The following ZP3 variants were observed in gnomAD, a reference collection of about 807,000 sequenced individuals.
ZP3 encodes the protein zona pellucida glycoprotein 3.
A neutral mutation model predicts 35.6 loss-of-function variants in ZP3; 21 were observed. The ratio of observed to expected loss-of-function variants is 0.59; its 90% CI spans 0.42 to 0.85. The LOEUF is 0.85. ZP3 is among the 40% of genes least tolerant of loss of function. The probability of loss-of-function intolerance (pLI) is 0.00; values close to 1 mark genes in which losing one functional copy is unlikely to be tolerated. For synonymous variants in ZP3, 207 were observed against 214.5 expected (o/e 0.96, Z 0.31); for missense variants, 437 against 536.5 (o/e 0.81, Z 1.83).
intron 1 of ZP3, chr7:76,400,530 G>A (rs1161943065): frequency 6.4e-7 from 1 of 1,571,720 alleles, no homozygotes; most frequent in Non-Finnish European, 8.6e-7. Flanking sequence ...TGCCCCAGGA[G>A]CCACCGTGCA....
upstream of ZP3, among the ~76,000 whole-genome samples, chr7:76,424,231 G>A (rs1805588047): frequency 6.6e-6 from 1 of 152,188 alleles, no homozygotes; most frequent in Non-Finnish European, 1.5e-5. Context: ...GGGCCAGCAG[G>A]GGATCGGAGG....
At chr7:76,426,910 T>C (rs1482168040) in intron 1 of ZP3, among the ~76,000 whole-genome samples, 2 of 26,082 alleles carry the variant, frequency 7.7e-5, no homozygotes, top group African/African-American at 3.9e-4. Context: ...ACACACACAA[T>C]AGGGTGTGGT....
In ZP3 at chr7:76,425,261, T is replaced by C. The variant is rs1275364723; in HGVS notation, c.297T>C (p.Cys99=). 1 of 1,607,640 alleles carries C rather than the reference T, an allele frequency of 6.2e-7. No homozygotes were observed. Among genetic ancestry groups the C allele is most frequent in the Non-Finnish European group, 8.5e-7 (1 of 1,176,148 alleles). ...VVRFEVGLHE[C]GNSMQVTDDA... is the part of the protein sequence containing the mutation. ...GGTTTGAGGTTGGACTCCACGAGTGTGGCAACAGCATGCAGGTAAGAGAGG... is the reference window on the plus strand; with the variant it reads ...GGTTTGAGGTTGGACTCCACGAGTGCGGCAACAGCATGCAGGTAAGAGAGG... Residue 99 remains cysteine, a synonymous_variant, in exon 1 of 8, where the codon TGT becomes TGC. Coordinates refer to ENST00000394857, the MANE Select transcript of ZP3 (RefSeq NM_001110354.2).
intron 5 of ZP3, among the ~76,000 whole-genome samples, chr7:76,437,201 A>C (rs1445599920): frequency 1.8e-5 from 2 of 112,362 alleles, no homozygotes; most frequent in South Asian, 5.7e-4. Flanking sequence ...TTTTGGACAG[A>C]GTCTCGCTCT....
intron 2 of ZP3, among the ~76,000 whole-genome samples, chr7:76,431,546 T>C (rs1289123651): frequency 6.6e-6 from 1 of 152,088 alleles, no homozygotes; most frequent in Non-Finnish European, 1.5e-5. Flanking sequence ...TCCCAGTCAC[T>C]GGTGTGGGTC....
At chr7:76,441,520 C>T (rs1261969289) in intron 7 of ZP3, among the ~76,000 whole-genome samples, 1 of 151,898 alleles carries the variant, frequency 6.6e-6, no homozygotes, top group Non-Finnish European at 1.5e-5. Flanking sequence ...TCCCAAGTAG[C>T]TGAGACTACA....
intron 1 of ZP3, chr7:76,398,817 G>A: frequency 1.9e-6 from 3 of 1,610,148 alleles, no homozygotes; most frequent in Non-Finnish European, 2.5e-6. Flanking sequence ...AAGTGAAGTG[G>A]ATACAGGGGT....
rs769739244 is a variant in ZP3, at chr7:76,433,523, C to T, written c.589C>T (p.His197Tyr). ...SPTFHLGDAAHLQAEIHTGSH... is the reference protein window; with the variant it reads ...SPTFHLGDAAYLQAEIHTGSH... ...CACCTTCCACCTGGGAGATGCAGCC[C>T]ACCTCCAGGCAGAAATCCACACTGG... is the stretch of plus-strand genomic sequence containing the variant. Residue 197 changes from histidine (H) to tyrosine (Y), a missense_variant, in exon 4 of 8, where the codon CAC (histidine) becomes TAC (tyrosine). By Grantham distance (83) the His-to-Tyr change is moderately conservative. Coordinates refer to ENST00000394857, the MANE Select transcript of ZP3 (RefSeq NM_001110354.2). 3.7e-6 allele frequency: 6 copies of T among 1,614,102 alleles called. No individual in the cohort carries two copies. The East Asian group carries it at 1.3e-4, about 36-fold the overall frequency.
chr7:76,420,201 A>G (rs1805474352), upstream of ZP3, among the ~76,000 whole-genome samples: 1 of 149,878 alleles, frequency 6.7e-6, no homozygotes, highest in African/African-American at 2.5e-5. Context: ...TCTTCTTCAT[A>G]GAGATAAAGT....
At chr7:76,398,669 G>GA (rs1411799685) in intron 1 of ZP3, 3 of 1,577,720 alleles carry the variant, frequency 1.9e-6, no homozygotes, top group Non-Finnish European at 2.6e-6. Flanking sequence ...GGTAGGGTGT[G>GA]AGAGACTCCT....
At chr7:76,433,058 CTG>C (rs1805877872) in intron 3 of ZP3, 28 bp downstream of exon 3, 1 of 1,570,526 alleles carries the variant, frequency 6.4e-7, no homozygotes, top group Admixed American at 1.7e-5. Flanking sequence ...GGTGGGACAT[CTG>C]TGGAAAGACC....
chr7:76,425,804 C>A (rs1235263936), intron 1 of ZP3, among the ~76,000 whole-genome samples: 2 of 151,872 alleles, frequency 1.3e-5, no homozygotes, highest in Non-Finnish European at 2.9e-5. Flanking sequence ...ATCTCTTAAG[C>A]CTTTAAAAAA....
intron 6 of ZP3, 21 bp downstream of exon 6, chr7:76,440,362 G>A (rs567156773): frequency 3.7e-5 from 59 of 1,609,160 alleles, no homozygotes; most frequent in Middle Eastern, 1.7e-4. Flanking sequence ...CAGGTGCTCC[G>A]TGACTGGAGT....
chr7:76,427,028 C>CT (rs1357269283), intron 1 of ZP3, among the ~76,000 whole-genome samples: 1 of 152,118 alleles, frequency 6.6e-6, no homozygotes, highest in Non-Finnish European at 1.5e-5. Context: ...GCATTCCAGC[C>CT]TGGAAGGCAG....
intron 1 of ZP3, among the ~76,000 whole-genome samples, chr7:76,414,537 C>T (rs541365142): frequency 6.6e-6 from 1 of 151,518 alleles, no homozygotes; most frequent in Non-Finnish European, 1.5e-5. Flanking sequence ...TTGCCTATTA[C>T]GGAATGTGTG....
chr7:76,432,585 G>A (rs1292640772), intron 2 of ZP3, among the ~76,000 whole-genome samples: 2 of 152,048 alleles, frequency 1.3e-5, no homozygotes, highest in African/African-American at 4.8e-5. Context: ...CAAAGTGCTG[G>A]GATTACAGGC....
chr7:76,418,922 C>A (rs1483520092), intron 1 of ZP3, among the ~76,000 whole-genome samples: 1 of 152,120 alleles, frequency 6.6e-6, no homozygotes, highest in East Asian at 1.9e-4. Context: ...ATAGCTCCCC[C>A]AATGTACACA....
exon 1 of ZP3, chr7:76,397,558 G>A: frequency 1.9e-6 from 3 of 1,603,338 alleles, no homozygotes; most frequent in Non-Finnish European, 2.6e-6. Flanking sequence ...GGCCGCAGTT[G>A]TGCACACCCC....
chr7:76,417,147 T>C (rs1805398404), intron 1 of ZP3, among the ~76,000 whole-genome samples: 1 of 151,692 alleles, frequency 6.6e-6, no homozygotes, highest in Non-Finnish European at 1.5e-5. Flanking sequence ...AACCTCCGCC[T>C]CCCAGGTTCA....
Sources: gnomAD v4.1 joint callset for allele counts (sites outside exome capture counted in the v4.1 genomes callset) on GRCh38, gnomAD v4.1.1 for gene constraint, MANE v1.5 for transcripts, NCBI Gene and HGNC (gene_info 2026-07-23, HGNC 2026-07-21) for gene names.